LRRIQ3: variants seen among roughly 807,000 people sequenced by gnomAD.
The protein encoded by LRRIQ3 is leucine-rich repeat and IQ domain-containing protein 3.
LRRIQ3 carries 75 observed loss-of-function variants against 59.3 expected under a neutral mutation model. That is an observed-to-expected ratio of 1.26 (90% CI 1.05 to 1.53). LRRIQ3 has a LOEUF of 1.53. Among genes scored for constraint, LRRIQ3 ranks in the 40% most tolerant of loss-of-function variants. LRRIQ3 has a pLI of 0.00. For synonymous variants in LRRIQ3, 250 were observed against 231.3 expected, an observed-to-expected ratio of 1.08 and a Z score of -0.73; for missense variants, 831 against 710.0, an observed-to-expected ratio of 1.17 and a Z score of -1.94.
chr1:74,035,475 T>A (rs1407165476), intron 7 of LRRIQ3, among the ~76,000 whole-genome samples: 1 of 152,154 alleles, frequency 6.6e-6, no homozygotes, highest in Non-Finnish European at 1.5e-5. Flanking sequence ...TAGCTGTAAG[T>A]TAAAATATTT....
At chr1:74,187,783 G>A (rs1557661673) in intron 1 of LRRIQ3, among the ~76,000 whole-genome samples, 1 of 152,078 alleles carries the variant, frequency 6.6e-6, no homozygotes, top group African/African-American at 2.4e-5. Flanking sequence ...ACAGATGCTG[G>A]TGATGTGGAG....
At chr1:74,171,568 C>T (rs1431280804) in intron 3 of LRRIQ3, among the ~76,000 whole-genome samples, 1 of 152,124 alleles carries the variant, frequency 6.6e-6, no homozygotes, top group Non-Finnish European at 1.5e-5. Context: ...GTGAAAATTG[C>T]TGTATCCATG....
At chr1:74,165,261 T>C (rs569109652) in intron 3 of LRRIQ3, among the ~76,000 whole-genome samples, 1 of 151,570 alleles carries the variant, frequency 6.6e-6, no homozygotes, top group Non-Finnish European at 1.5e-5. Context: ...GAGATCTTTA[T>C]TTTTATTTTT....
At chr1:74,069,167 C>A (rs982389079) in intron 6 of LRRIQ3, among the ~76,000 whole-genome samples, 1 of 152,014 alleles carries the variant, frequency 6.6e-6, no homozygotes, top group Non-Finnish European at 1.5e-5. Flanking sequence ...ACAGCTGGCA[C>A]TTTCTGGAAA....
At chr1:74,073,853 A>G (rs2100477784) in intron 6 of LRRIQ3, among the ~76,000 whole-genome samples, 1 of 152,278 alleles carries the variant, frequency 6.6e-6, no homozygotes, top group Admixed American at 6.5e-5. Flanking sequence ...TGATTTTATG[A>G]TTCTTCTGTG....
At chr1:74,102,656 G>A (rs1199618911) in intron 5 of LRRIQ3, among the ~76,000 whole-genome samples, 1 of 151,932 alleles carries the variant, frequency 6.6e-6, no homozygotes, top group Non-Finnish European at 1.5e-5. Flanking sequence ...AGATCTCAAA[G>A]ACATGAACAC....
At chr1:74,182,914 C>A in intron 2 of LRRIQ3, 53 bp from the exon 3 acceptor site, 1 of 1,001,754 alleles carries the variant, frequency 1.0e-6, no homozygotes, top group South Asian at 2.1e-5. Context: ...TTTCGAATAG[C>A]ACAGAAAATG....
chr1:74,105,453 A>G lies in LRRIQ3; in HGVS notation c.867+3941T>C, dbSNP rs535666317. Among the ~76,000 whole-genome samples the G allele has an allele frequency of 4.6e-5, 7 of 151,850 alleles. No homozygotes were observed. The East Asian group carries it at 7.8e-4, about 17-fold the overall frequency. On this transcript the variant is annotated intron_variant, in intron 5 of 7. Transcript: ENST00000354431. ...TTTTAGTAGAGATGGGGGTCTCACA[A>G]TGTTTGCCAGGCTGGTCTTGAACTC...
rs188779362 is a variant in LRRIQ3 at position 74,192,037 on chromosome 1, T to C, written c.-1+5959A>G. On this transcript the variant is annotated intron_variant, in intron 1 of 7. Coordinates refer to ENST00000354431, the MANE Select transcript of LRRIQ3 (RefSeq NM_001105659.2). The stretch of plus-strand genomic sequence containing the variant: ...AGTCCATAAAGATCTATAGTCTCTA[T>C]AAAAAATAAATACTCTACTCAGATT... Among the ~76,000 whole-genome samples the C allele has an allele frequency of 8.0e-4, 122 of 152,140 alleles. 2 individuals carry two copies. Among genetic ancestry groups the C allele is most frequent in the Non-Finnish European group, 1.6e-3 (107 of 67,946 alleles).
Position 74,155,772 on chromosome 1 carries a change from T to C in LRRIQ3, c.668A>G (p.Gln223Arg). Residue 223 changes from glutamine (Q) to arginine (R), a missense_variant, in exon 4 of 8, where the codon CAA becomes CGA. Coordinates refer to ENST00000354431, the MANE Select transcript of LRRIQ3 (RefSeq NM_001105659.2). The part of the protein sequence containing the change: ...LAHNSPVLIV[Q>R]RWIRGFLVRK... ...AACTAAGAAACCACGTATCCATCTT[T>C]GAACAATCAAAACTGGTGAATTATG... 1.3e-6 allele frequency: 2 copies of C among 1,584,498 alleles called. No individual in the cohort carries two copies. Among genetic ancestry groups the C allele is most frequent in the Non-Finnish European group, 1.7e-6 (2 of 1,169,556 alleles).
At chr1:74,155,558 A>T (rs1050673182) in intron 4 of LRRIQ3, 175 bp downstream of exon 4, 3 of 415,358 alleles carry the variant, frequency 7.2e-6, no homozygotes, top group Non-Finnish European at 1.3e-5. Flanking sequence ...TGATTATGTT[A>T]AATATTATAT....
chr1:74,097,372 A>G (rs182015205), intron 5 of LRRIQ3, among the ~76,000 whole-genome samples: 1 of 152,286 alleles, frequency 6.6e-6, no homozygotes, highest in East Asian at 1.9e-4. Context: ...AAAGCGTTAA[A>G]TGAACAAAGC....
chr1:74,139,904 A>G (rs1359510760), intron 4 of LRRIQ3, among the ~76,000 whole-genome samples: 1 of 151,930 alleles, frequency 6.6e-6, no homozygotes, highest in African/African-American at 2.4e-5. Context: ...ATTTGCTAGG[A>G]TTACTGATTC....
chr1:74,057,429 C>G (rs1464299888), intron 6 of LRRIQ3, among the ~76,000 whole-genome samples: 1 of 152,010 alleles, frequency 6.6e-6, no homozygotes, highest in African/African-American at 2.4e-5. Flanking sequence ...ATAGAGAGCC[C>G]ATAAATAAAT....
chr1:74,155,825 A>G lies in LRRIQ3; in HGVS notation c.615T>C (p.Ile205=). 1 of 1,561,188 alleles carries G rather than the reference A, an allele frequency of 6.4e-7. No individual in the cohort carries two copies. The highest frequency in any genetic ancestry group is 8.7e-7 in the Non-Finnish European group (1 of 1,152,724). The change falls in exon 4 of 8, where the codon ATT becomes ATC. Residue 205 remains isoleucine, a synonymous_variant. Coordinates refer to ENST00000354431, the MANE Select transcript of LRRIQ3 (RefSeq NM_001105659.2). ...YEEEINNIKH[I]TSKINAILAH... ...CCAGAATTGCATTAATTTTTGAAGT[A>G]ATATGTTTAATATTATTAATTTCCT...
intron 5 of LRRIQ3, among the ~76,000 whole-genome samples, chr1:74,103,539 C>A (rs1452691469): frequency 6.6e-6 from 1 of 151,842 alleles, no homozygotes; most frequent in Non-Finnish European, 1.5e-5. Flanking sequence ...TAAGGAAACA[C>A]ACTATTTCAC....
At chr1:74,113,401 G>T (rs1037542065) in intron 4 of LRRIQ3, among the ~76,000 whole-genome samples, 11 of 151,746 alleles carry the variant, frequency 7.2e-5, no homozygotes, top group African/African-American at 2.4e-4. Context: ...ACTTGATTTT[G>T]AAAAATTAAT....
intron 4 of LRRIQ3, among the ~76,000 whole-genome samples, chr1:74,135,398 A>G (rs1647104621): frequency 6.6e-6 from 1 of 151,898 alleles, no homozygotes; most frequent in African/African-American, 2.4e-5. Flanking sequence ...TCTATCAACT[A>G]ACTTTACTTA....
intron 5 of LRRIQ3, among the ~76,000 whole-genome samples, chr1:74,104,001 T>C (rs1389498576): frequency 6.6e-6 from 1 of 151,994 alleles, no homozygotes; most frequent in African/African-American, 2.4e-5. Flanking sequence ...GGTGAATCCT[T>C]CTCTTTCCTC....
Sources: allele counts gnomAD v4.1 joint callset (sites outside exome capture counted in the v4.1 genomes callset), GRCh38; gene constraint gnomAD v4.1.1; transcripts MANE v1.5; gene names NCBI Gene and HGNC (gene_info 2026-07-23, HGNC 2026-07-21).